GPR137: variants seen among roughly 807,000 people sequenced by gnomAD.
GPR137 encodes G protein-coupled receptor 137, also known as integral membrane protein GPR137.
In GPR137, 20 loss-of-function variants were observed where a neutral mutation model predicts 38.9. The ratio of observed to expected loss-of-function variants is 0.51; its 90% CI spans 0.36 to 0.75. GPR137 has a LOEUF of 0.75. GPR137 is among the 30% of genes least tolerant of loss of function. The probability of loss-of-function intolerance (pLI) is 0.00; values close to 1 mark genes in which losing one functional copy is unlikely to be tolerated. For missense variants in GPR137, 456 were observed against 526.4 expected, an observed-to-expected ratio of 0.87 and a Z score of 1.31; for synonymous variants, 226 against 235.8, an observed-to-expected ratio of 0.96 and a Z score of 0.38.
chr11:64,273,373 AAATAAT>A (rs60165855), upstream of GPR137, among the ~76,000 whole-genome samples: 2 of 152,020 alleles, frequency 1.3e-5, no homozygotes, highest in African/African-American at 2.4e-5. Flanking sequence ...ACTCTGTCTC[AAATAAT>A]AATAATAATA....
chr11:64,286,162 A>C lies in GPR137; in HGVS notation c.-363A>C. On this transcript the variant is annotated 5_prime_UTR_variant, in exon 1 of 7. Transcript: ENST00000438980. Reference sequence around the variant, plus strand: ...ATCAGCCGGCTCTCCCCCTCCACCCAGGACGACATGAACGACCGAGGCCAG... The same window carrying C: ...ATCAGCCGGCTCTCCCCCTCCACCCCGGACGACATGAACGACCGAGGCCAG... 9.6e-7 allele frequency: 1 copy of C among 1,041,940 alleles called. No homozygotes were observed. The highest frequency in any genetic ancestry group is 1.2e-6 in the Non-Finnish European group (1 of 866,486). The allele number at this position is 1,041,940 out of a possible 1,614,324, so 64.5% of individuals were successfully genotyped here.
Position 64,289,419 on chromosome 11 carries a change from G to A in GPR137, c.*223G>A. ...TGCCCACAGCACCCTGGCATGACCT[G>A]CCACCTCTGCTTCCACACCGGAGCC... On this transcript the variant is annotated 3_prime_UTR_variant, in exon 7 of 7. Transcript: ENST00000438980. 1 of 1,526,872 alleles carries A rather than the reference G, an allele frequency of 6.5e-7. No individual in the cohort carries two copies. The highest frequency in any genetic ancestry group is 2.1e-4 in the Middle Eastern group (1 of 4,762). 94.6% of individuals were successfully genotyped at this position (1,526,872 alleles called of 1,614,324 possible).
chr11:64,272,847 G>A (rs2032740214), upstream of GPR137: 1 of 152,268 alleles, frequency 6.6e-6, no homozygotes, highest in Non-Finnish European at 1.5e-5. Flanking sequence ...GACTCTCTTA[G>A]CCTGTGTCCT....
upstream of GPR137, among the ~76,000 whole-genome samples, chr11:64,280,777 C>T (rs1197383444): frequency 6.6e-6 from 1 of 151,610 alleles, no homozygotes; most frequent in African/African-American, 2.4e-5. Flanking sequence ...AAGTGATTCT[C>T]CTGCCTCAGC....
intron 1 of GPR137, chr11:64,275,778 G>C (rs1232199549): frequency 6.6e-6 from 1 of 151,974 alleles, no homozygotes; most frequent in Non-Finnish European, 1.5e-5. Context: ...CTTGCACCCA[G>C]GCACTTGGCC....
At chr11:64,287,994 G>T in intron 3 of GPR137, 48 bp downstream of exon 3, 1 of 1,602,152 alleles carries the variant, frequency 6.2e-7, no homozygotes, top group Non-Finnish European at 8.5e-7. Flanking sequence ...TCTCTCGGCA[G>T]CGGTTCTCAG....
rs368679376 is a variant in GPR137 at position 64,287,919 on chromosome 11, C to G, written c.606C>G (p.Pro202=). The stretch of plus-strand genomic sequence containing the variant: ...TCTGCCTCGTCGCCAGGCGGGCGCC[C>G]TCCACTAGCATCTACCTGGAGGCCA... ...ACLCLVARRA[P]STSIYLEAKG... is the part of the protein sequence containing the mutation. Residue 202 remains proline, a synonymous_variant, in exon 3 of 7, where the codon CCC becomes CCG. Transcript: ENST00000438980. 2.2e-5 allele frequency: 36 copies of G among 1,601,830 alleles called. No homozygotes were observed. The African/African-American group carries it at 4.0e-4, about 18-fold the overall frequency.
upstream of GPR137, among the ~76,000 whole-genome samples, chr11:64,272,357 C>A (rs886662397): frequency 4.6e-5 from 7 of 151,770 alleles, no homozygotes; most frequent in Non-Finnish European, 1.0e-4. Context: ...TAGTGCAAGA[C>A]CTTCATGGGG....
At chr11:64,284,529 T>C (rs921391590), upstream of GPR137, 3 of 1,527,410 alleles carry the variant, frequency 2.0e-6, no homozygotes, top group East Asian at 2.4e-5. Flanking sequence ...GGGTCTGGCC[T>C]GGCAGGGAGC....
Position 64,289,236 on chromosome 11 carries a change from C to T in GPR137, c.*40C>T. 6.2e-7 allele frequency: 1 copy of T among 1,612,014 alleles called. No individual in the cohort carries two copies. Among genetic ancestry groups the T allele is most frequent in the Non-Finnish European group, 8.5e-7 (1 of 1,178,456 alleles). ...CCACAGAATACCCAGGCCCCAGTCC[C>T]CCTCACCCTAGGCCCCTGTGCCAAG... is the stretch of plus-strand genomic sequence containing the variant. On this transcript the variant is annotated 3_prime_UTR_variant, in exon 7 of 7. Coordinates refer to ENST00000438980, the MANE Select transcript of GPR137 (RefSeq NM_001170880.2).
chr11:64,288,956 C>A lies in GPR137; in HGVS notation c.1032-81C>A. The A allele has an allele frequency of 6.8e-7, 1 of 1,461,442 alleles. No homozygotes were observed. The highest frequency in any genetic ancestry group is 9.0e-7 in the Non-Finnish European group (1 of 1,109,630). 90.5% of individuals were successfully genotyped at this position (1,461,442 alleles called of 1,614,324 possible). On this transcript the variant is annotated intron_variant, in intron 6 of 6. Transcript: ENST00000438980. This position sits in a 1 kb window ranked among gnomAD's most constrained non-coding sequence, Gnocchi z 5.5. The stretch of plus-strand genomic sequence containing the variant: ...AGGTCTAGGTCACAGGGGTTCTGTT[C>A]TAAGCCTGTCTTCCTCCTGCAGCTC...
At position 64,288,106 on chromosome 11, in the gene GPR137, G is replaced by A. The variant is rs2034335056; in HGVS notation, c.675G>A (p.Met225Ile). The change falls in exon 4 of 7, where the codon ATG (methionine) becomes ATA (isoleucine). Residue 225 changes from methionine to isoleucine, a missense_variant. Met to Ile is a conservative substitution (Grantham distance 10). Transcript: ENST00000438980. This position sits in a 1 kb window ranked among gnomAD's most constrained non-coding sequence, Gnocchi z 5.5. ...AGGCGGCCGCGATGGGTGGCGCCATGGTCCTGCTCTATGCCAGCCGGGCCT... is the reference window on the plus strand; with the variant it reads ...AGGCGGCCGCGATGGGTGGCGCCATAGTCCTGCTCTATGCCAGCCGGGCCT... ...VCQAAAMGGA[M>I]VLLYASRACY... is the part of the protein sequence containing the mutation. 1.2e-6 allele frequency: 2 copies of A among 1,612,304 alleles called. No individual in the cohort carries two copies. The highest frequency in any genetic ancestry group is 8.5e-7 in the Non-Finnish European group (1 of 1,179,984).
intron 2 of GPR137, among the ~76,000 whole-genome samples, chr11:64,276,592 G>C (rs911463223): frequency 6.6e-6 from 1 of 152,212 alleles, no homozygotes; most frequent in African/African-American, 2.4e-5. Flanking sequence ...CCCCCAAAGT[G>C]CTGGGATTAC....
upstream of GPR137, among the ~76,000 whole-genome samples, chr11:64,270,872 A>G (rs963385188): frequency 4.1e-5 from 6 of 146,728 alleles, no homozygotes; most frequent in Non-Finnish European, 9.2e-5. Flanking sequence ...AGTGGGATCT[A>G]GACTACAGAT....
At chr11:64,273,017 G>C (rs184873077), upstream of GPR137, among the ~76,000 whole-genome samples, 300 of 152,292 alleles carry the variant, frequency 2.0e-3, no homozygotes, top group African/African-American at 6.7e-3. Context: ...CTTGAGTTCA[G>C]GAGTTCGAGA....
upstream of GPR137, chr11:64,284,576 A>T: frequency 6.7e-7 from 1 of 1,494,210 alleles, no homozygotes; most frequent in Non-Finnish European, 8.9e-7. Context: ...CTCCCCTCAG[A>T]ACCCCGGTGG....
upstream of GPR137, chr11:64,284,836 C>T (rs5031004): frequency 1.3e-4 from 200 of 1,510,698 alleles, 2 homozygotes; most frequent in East Asian, 4.6e-3. Flanking sequence ...CGTCCGCATC[C>T]TTTTTCCTCC....
chr11:64,288,069 C>G lies in GPR137; in HGVS notation c.638C>G (p.Thr213Ser), dbSNP rs1273868079. The G allele has an allele frequency of 6.2e-7, 1 of 1,610,206 alleles. No individual in the cohort carries two copies. Among genetic ancestry groups the G allele is most frequent in the Non-Finnish European group, 8.5e-7 (1 of 1,179,912 alleles). ...CTCTGTTGTTACCTGTGCCAGGGGA[C>G]CAGTGTGTGCCAGGCGGCCGCGATG... is the stretch of plus-strand genomic sequence containing the variant. Reference protein sequence around the residue: ...STSIYLEAKGTSVCQAAAMGG... With the variant: ...STSIYLEAKGSSVCQAAAMGG... Residue 213 changes from threonine (T) to serine (S), a missense_variant, in exon 4 of 7, where the codon ACC becomes AGC. Coordinates refer to ENST00000438980, the MANE Select transcript of GPR137 (RefSeq NM_001170880.2). This position sits in a 1 kb window ranked among gnomAD's most constrained non-coding sequence, Gnocchi z 5.5.
In GPR137 at chr11:64,288,565, G is replaced by C; in HGVS notation, c.913-38G>C. ...GGGTTGGGCCTGGGAGGCCAGTGCA[G>C]GACAGGAGTAAGTATCGATGATGGC... is the stretch of plus-strand genomic sequence containing the variant. On this transcript the variant is annotated intron_variant, in intron 5 of 6. Coordinates refer to ENST00000438980, the MANE Select transcript of GPR137 (RefSeq NM_001170880.2). The surrounding 1 kb of genome is among the most constrained non-coding windows in gnomAD (Gnocchi z 5.5). The C allele has an allele frequency of 1.2e-6, 2 of 1,613,364 alleles. No individual in the cohort carries two copies. Among genetic ancestry groups the C allele is most frequent in the Non-Finnish European group, 1.7e-6 (2 of 1,179,660 alleles).
Sources: allele counts gnomAD v4.1 joint callset (sites outside exome capture counted in the v4.1 genomes callset), GRCh38; gene constraint gnomAD v4.1.1; non-coding constraint Gnocchi (gnomAD v3.1); transcripts MANE v1.5; gene names NCBI Gene and HGNC (gene_info 2026-07-23, HGNC 2026-07-21).